Variants in GAP43 observed in about 807,000 individuals in gnomAD.
The protein encoded by GAP43 is growth associated protein 43, also known as neuromodulin.
A neutral mutation model predicts 18.6 loss-of-function variants in GAP43; 6 were observed. That is an observed-to-expected ratio of 0.32 (90% confidence interval 0.18 to 0.64). The LOEUF (loss-of-function observed/expected upper bound fraction) is 0.64, where lower values mean the gene tolerates loss of function less well. Ranked by LOEUF, GAP43 falls within the 30% of genes least tolerant of loss-of-function variation. The pLI, the probability that GAP43 is intolerant of heterozygous loss-of-function variation, is 0.78. For synonymous variants in GAP43, 115 were observed against 111.4 expected (o/e 1.03, Z -0.20); for missense variants, 292 against 295.5 (o/e 0.99, Z 0.09).
intron 2 of GAP43, among the ~76,000 whole-genome samples, chr3:115,716,689 A>G (rs1340367384): frequency 1.5e-5 from 2 of 133,546 alleles, no homozygotes; most frequent in African/African-American, 5.5e-5. Context: ...CAATAATATC[A>G]AGTAAAAAAT....
chr3:115,640,458 G>T (rs1708381647), intron 1 of GAP43, among the ~76,000 whole-genome samples: 1 of 151,924 alleles, frequency 6.6e-6, no homozygotes, highest in Admixed American at 6.6e-5. Flanking sequence ...CCACTTATCT[G>T]GTCATACATT....
chr3:115,679,125 A>G (rs1414790417), intron 2 of GAP43, among the ~76,000 whole-genome samples: 2 of 152,032 alleles, frequency 1.3e-5, no homozygotes, highest in Admixed American at 6.6e-5. Context: ...GGTGGCTACC[A>G]TGGGTTGCTT....
At chr3:115,630,749 G>C (rs887867592) in intron 1 of GAP43, among the ~76,000 whole-genome samples, 4 of 152,128 alleles carry the variant, frequency 2.6e-5, no homozygotes, top group African/African-American at 9.7e-5. Context: ...GTCAGACCCA[G>C]GTAGAGTTTT....
intron 1 of GAP43, among the ~76,000 whole-genome samples, chr3:115,646,942 T>G (rs769867765): frequency 6.6e-6 from 1 of 152,008 alleles, no homozygotes; most frequent in African/African-American, 2.4e-5. Flanking sequence ...AGAGGTAGTA[T>G]GGGACATTGT....
intron 2 of GAP43, among the ~76,000 whole-genome samples, chr3:115,686,789 C>T (rs549017708): frequency 4.6e-5 from 7 of 152,204 alleles, no homozygotes; most frequent in Non-Finnish European, 7.4e-5. Flanking sequence ...GCTGGTTTTT[C>T]GGAGATGATT....
At chr3:115,696,577 C>CT (rs1709192711) in intron 2 of GAP43, among the ~76,000 whole-genome samples, 5 of 87,766 alleles carry the variant, frequency 5.7e-5, no homozygotes, top group African/African-American at 1.6e-4. Flanking sequence ...TGCCCCCCAC[C>CT]GCCCCCCCCC....
At position 115,623,512 on chromosome 3, in the gene GAP43, A is replaced by C; in HGVS notation, c.-178A>C. 1.5e-6 allele frequency: 1 copy of C among 667,788 alleles called. No individual in the cohort carries two copies. The highest frequency in any genetic ancestry group is 2.6e-6 in the Non-Finnish European group (1 of 379,998). The allele number at this position is 667,788 out of a possible 1,614,324, so 41.4% of individuals were successfully genotyped here. ...GATGAGCAATAGCTGTGGACCTTAC[A>C]GTTGCTGCTAACTGCCCTGGTGTGT... On this transcript the variant is annotated 5_prime_UTR_variant, in exon 1 of 3. Coordinates refer to ENST00000305124, the MANE Select transcript of GAP43 (RefSeq NM_002045.4).
chr3:115,697,074 A>T (rs986929777), intron 2 of GAP43, among the ~76,000 whole-genome samples: 7 of 151,920 alleles, frequency 4.6e-5, no homozygotes, highest in Non-Finnish European at 1.0e-4. Flanking sequence ...CCTGACCTCA[A>T]GTGATCCACC....
At chr3:115,700,519 A>G (rs565789571) in intron 2 of GAP43, among the ~76,000 whole-genome samples, 1 of 152,228 alleles carries the variant, frequency 6.6e-6, no homozygotes, top group South Asian at 2.1e-4. Flanking sequence ...GAGTCTTCCT[A>G]GCTGTAACAT....
chr3:115,704,375 C>G (rs1709334600), intron 2 of GAP43, among the ~76,000 whole-genome samples: 1 of 151,950 alleles, frequency 6.6e-6, no homozygotes, highest in African/African-American at 2.4e-5. Context: ...ACTCTTATGC[C>G]ATTTTGCCTA....
At position 115,720,812 on chromosome 3, in the gene GAP43, A is replaced by T; in HGVS notation, c.647A>T (p.Lys216Ile). 4 of 1,613,050 alleles carry T rather than the reference A, an allele frequency of 2.5e-6. No homozygotes were observed. The highest frequency in any genetic ancestry group is 2.5e-6 in the Non-Finnish European group (3 of 1,179,280). Residue 216 changes from lysine (K) to isoleucine (I), a missense_variant, in exon 3 of 3, where the codon AAA becomes ATA. Physicochemically the swap from Lys to Ile is moderately radical, Grantham distance 102 (BLOSUM62 -3). Coordinates refer to ENST00000305124, the MANE Select transcript of GAP43 (RefSeq NM_002045.4). ...TTCTCAGAAGCTGTAGATGAAACCAAACCTAAGGAAAGTGCCCGGCAGGAC... is the reference window on the plus strand; with the variant it reads ...TTCTCAGAAGCTGTAGATGAAACCATACCTAAGGAAAGTGCCCGGCAGGAC... The part of the protein sequence containing the change: ...EENIEAVDET[K>I]PKESARQDEG...
intron 1 of GAP43, among the ~76,000 whole-genome samples, chr3:115,652,770 A>G (rs907309934): frequency 1.3e-5 from 2 of 152,184 alleles, no homozygotes; most frequent in African/African-American, 2.4e-5. Flanking sequence ...CACTGTGGTA[A>G]TTTTTGAAAG....
chr3:115,681,929 C>T (rs1422338731), intron 2 of GAP43, among the ~76,000 whole-genome samples: 1 of 152,176 alleles, frequency 6.6e-6, no homozygotes, highest in Admixed American at 6.5e-5. Flanking sequence ...AGGTCACATG[C>T]TGAACCCTGA....
chr3:115,708,682 G>A (rs1211067458), intron 2 of GAP43, among the ~76,000 whole-genome samples: 1 of 152,150 alleles, frequency 6.6e-6, no homozygotes, highest in East Asian at 1.9e-4. Flanking sequence ...TAGGCAGAGG[G>A]GCATGACCCC....
intron 1 of GAP43, among the ~76,000 whole-genome samples, chr3:115,673,805 GC>G (rs1708843197): frequency 6.6e-6 from 1 of 152,170 alleles, no homozygotes; most frequent in Admixed American, 6.5e-5. Flanking sequence ...AGAAGGATGG[GC>G]CTCTCCAAAG....
At chr3:115,636,773 G>A (rs1033563389) in intron 1 of GAP43, among the ~76,000 whole-genome samples, 1 of 151,836 alleles carries the variant, frequency 6.6e-6, no homozygotes, top group Admixed American at 6.6e-5. Flanking sequence ...TCCTATTCTT[G>A]TCTTATCTCC....
intron 2 of GAP43, among the ~76,000 whole-genome samples, chr3:115,701,228 T>C (rs1431685731): frequency 6.6e-6 from 1 of 152,154 alleles, no homozygotes; most frequent in Non-Finnish European, 1.5e-5. Context: ...ACTCTATTCG[T>C]TCTGATATTA....
chr3:115,646,247 G>A (rs557238203), intron 1 of GAP43, among the ~76,000 whole-genome samples: 9 of 151,894 alleles, frequency 5.9e-5, no homozygotes, highest in East Asian at 5.8e-4. Flanking sequence ...TTTTTTTCCT[G>A]CAAGCAACTC....
intron 1 of GAP43, among the ~76,000 whole-genome samples, chr3:115,635,619 T>C (rs1708318645): frequency 6.6e-6 from 1 of 151,696 alleles, no homozygotes; most frequent in Non-Finnish European, 1.5e-5. Context: ...CACAGATGGC[T>C]CAGACCTCAC....
Sources: allele counts gnomAD v4.1 joint callset (sites outside exome capture counted in the v4.1 genomes callset), GRCh38; gene constraint gnomAD v4.1.1; transcripts MANE v1.5; gene names NCBI Gene and HGNC (gene_info 2026-07-23, HGNC 2026-07-21).